CFAP95: variants seen among roughly 807,000 people sequenced by gnomAD.
CFAP95 encodes cilia and flagella associated protein 95.
the CFAP95 span, among the ~76,000 whole-genome samples, chr9:69,871,797 C>T: frequency 6.6e-6 from 1 of 152,154 alleles, no homozygotes; most frequent in South Asian, 2.1e-4. Context: ...CAACTGCAAA[C>T]ATAGGTATCC....
the CFAP95 span, among the ~76,000 whole-genome samples, chr9:69,843,541 TCCTCCTCCTCCTC>T: frequency 1.4e-4 from 4 of 28,802 alleles, no homozygotes; most frequent in Non-Finnish European, 2.0e-4. Flanking sequence ...CTCCTCCTCC[TCCTCCTCCTCCTC>T]CTCCTTCTTC....
the CFAP95 span, among the ~76,000 whole-genome samples, chr9:69,845,596 A>G: frequency 6.6e-6 from 1 of 152,152 alleles, no homozygotes; most frequent in African/African-American, 2.4e-5. Context: ...TGGCAGTGCC[A>G]TTTCCTCCTT....
At chr9:69,892,801 G>A in the CFAP95 span, among the ~76,000 whole-genome samples, 5 of 152,130 alleles carry the variant, frequency 3.3e-5, no homozygotes, top group East Asian at 3.9e-4. Flanking sequence ...GGGACAGTTC[G>A]TTGAGAGGAC....
the CFAP95 span, among the ~76,000 whole-genome samples, chr9:69,821,656 C>T: frequency 6.6e-6 from 1 of 152,058 alleles, no homozygotes; most frequent in African/African-American, 2.4e-5. Flanking sequence ...AGGCTACATA[C>T]AAGAACTTTT....
chr9:69,822,692 G>A, the CFAP95 span, among the ~76,000 whole-genome samples: 1 of 152,200 alleles, frequency 6.6e-6, no homozygotes, highest in Non-Finnish European at 1.5e-5. Flanking sequence ...CATTGTGAAA[G>A]TTACAGACAT....
At chr9:69,868,805 G>GAAAA in the CFAP95 span, among the ~76,000 whole-genome samples, 1 of 139,596 alleles carries the variant, frequency 7.2e-6, no homozygotes, top group African/African-American at 2.7e-5. Flanking sequence ...CAACTTATTA[G>GAAAA]AAAAAAAAAA....
the CFAP95 span, among the ~76,000 whole-genome samples, chr9:69,890,100 G>T: frequency 6.6e-6 from 1 of 152,006 alleles, no homozygotes; most frequent in Non-Finnish European, 1.5e-5. Context: ...ATTTTAAAAT[G>T]CATTTCAGGT....
At chr9:69,829,198 G>T in the CFAP95 span, among the ~76,000 whole-genome samples, 1 of 152,098 alleles carries the variant, frequency 6.6e-6, no homozygotes. Flanking sequence ...ACCTACAAAT[G>T]CTTCTGGATA....
At chr9:69,844,603 G>A in the CFAP95 span, 1,322 of 1,612,516 alleles carry the variant, frequency 8.2e-4, 2 homozygotes, top group Non-Finnish European at 1.1e-3. Flanking sequence ...ACATATCGGC[G>A]ACTGGGAACC....
chr9:69,905,887 C>A, the CFAP95 span: 1 of 1,181,120 alleles, frequency 8.5e-7, no homozygotes, highest in Non-Finnish European at 1.1e-6. Flanking sequence ...GAAAAATAAA[C>A]TTTTGAAGAT....
the CFAP95 span, among the ~76,000 whole-genome samples, chr9:69,883,163 A>C: frequency 6.6e-6 from 1 of 152,208 alleles, no homozygotes; most frequent in Non-Finnish European, 1.5e-5. Context: ...GAAACACAAA[A>C]AGTGGCTCAA....
the CFAP95 span, among the ~76,000 whole-genome samples, chr9:69,886,260 T>C: frequency 3.9e-5 from 6 of 152,120 alleles, no homozygotes; most frequent in African/African-American, 1.4e-4. Context: ...CATTCAGATA[T>C]GCTAAAGACG....
the CFAP95 span, among the ~76,000 whole-genome samples, chr9:69,841,167 TATATATATATATATA>T: frequency 5.4e-5 from 5 of 92,458 alleles, no homozygotes; most frequent in African/African-American, 1.4e-4. Flanking sequence ...AGCTGGATTA[TATATATATATATATA>T]TATATATATA....
At chr9:69,895,361 CTCTCTCTCTG>C in the CFAP95 span, among the ~76,000 whole-genome samples, 39 of 91,712 alleles carry the variant, frequency 4.3e-4, no homozygotes, top group African/African-American at 1.4e-3. Flanking sequence ...CTCTCTCTCT[CTCTCTCTCTG>C]TGTGTGTGTG....
the CFAP95 span, among the ~76,000 whole-genome samples, chr9:69,836,957 A>G: frequency 2.2e-5 from 3 of 136,518 alleles, no homozygotes; most frequent in Middle Eastern, 4.5e-3. Flanking sequence ...TTCAATTCCC[A>G]CCTATGAGTG....
chr9:69,867,501 C>T, the CFAP95 span, among the ~76,000 whole-genome samples: 11 of 152,280 alleles, frequency 7.2e-5, no homozygotes, highest in South Asian at 2.3e-3. Context: ...CTTGTGGCCA[C>T]TAGTTTGCAG....
the CFAP95 span, among the ~76,000 whole-genome samples, chr9:69,893,363 C>T: frequency 6.6e-6 from 1 of 152,160 alleles, no homozygotes; most frequent in South Asian, 2.1e-4. Flanking sequence ...GAAAAGAAGA[C>T]AAGAGAAAGA....
chr9:69,890,874 T>C, the CFAP95 span, among the ~76,000 whole-genome samples: 1 of 152,214 alleles, frequency 6.6e-6, no homozygotes. Context: ...GCTCTAAGCA[T>C]TGGTAAAGAA....
the CFAP95 span, among the ~76,000 whole-genome samples, chr9:69,868,291 A>G: frequency 1.3e-5 from 2 of 152,168 alleles, no homozygotes; most frequent in Non-Finnish European, 2.9e-5. Context: ...TTGGACAGAC[A>G]TCAAAGGTAC....
Sources: allele counts gnomAD v4.1 joint callset (sites outside exome capture counted in the v4.1 genomes callset), GRCh38; gene constraint gnomAD v4.1.1; transcripts MANE v1.5; gene names NCBI Gene and HGNC (gene_info 2026-07-23, HGNC 2026-07-21).